ARHGEF15: variants seen among roughly 807,000 people sequenced by gnomAD.
ARHGEF15 encodes the protein Rho guanine nucleotide exchange factor 15.
A neutral mutation model predicts 79.7 loss-of-function variants in ARHGEF15; 58 were observed. The ratio of observed to expected loss-of-function variants is 0.73; its 90% CI spans 0.59 to 0.91. The LOEUF is 0.91. Among genes scored for constraint, ARHGEF15 ranks in the 40% least tolerant of loss-of-function variants. The pLI is 0.00. For missense variants in ARHGEF15, 1,012 were observed against 1,108.1 expected, an observed-to-expected ratio of 0.91 and a Z score of 1.23; for synonymous variants, 442 against 456.0, an observed-to-expected ratio of 0.97 and a Z score of 0.39.
In ARHGEF15 at chr17:8,319,599, T is replaced by C. The variant is rs1010654697; in HGVS notation, c.2370T>C (p.Pro790=). The change falls in exon 15 of 16, where the codon CCT becomes CCC. Residue 790 remains proline (P), a synonymous_variant. Transcript: ENST00000361926. ...RAAPKHLHKT[P]EGWLKGLPGA... ...CCCCCAAACACCTGCACAAGACCCCTGAAGGTGAGAAAGTCTTTCATTTAT... is the reference window on the plus strand; with the variant it reads ...CCCCCAAACACCTGCACAAGACCCCCGAAGGTGAGAAAGTCTTTCATTTAT... 2 of 1,563,740 alleles carry C rather than the reference T, an allele frequency of 1.3e-6. No homozygotes were observed. Among genetic ancestry groups the C allele is most frequent in the Non-Finnish European group, 1.7e-6 (2 of 1,163,606 alleles).
rs761415894 is a variant in ARHGEF15 at position 8,312,656 on chromosome 17, G to C, written c.601+16G>C. On this transcript the variant is annotated intron_variant, in intron 2 of 15. Coordinates refer to ENST00000361926, the MANE Select transcript of ARHGEF15 (RefSeq NM_173728.4). ...GGTGCTCCAGGTGAGTGTGGCGGGT[G>C]GGGGGCGCTGGGTGACCTCAATCCA... 6.2e-7 allele frequency: 1 copy of C among 1,611,386 alleles called. No homozygotes were observed. Among genetic ancestry groups the C allele is most frequent in the South Asian group, 1.1e-5 (1 of 91,024 alleles).
chr17:8,321,719 C>G lies in ARHGEF15; in HGVS notation c.*726C>G, dbSNP rs983123860. 8 of 152,182 alleles carry G rather than the reference C, an allele frequency of 5.3e-5. No individual in the cohort carries two copies. The highest frequency in any genetic ancestry group is 1.9e-4 in the African/African-American group (8 of 41,416). The allele number at this position is 152,182 out of a possible 1,614,324, so 9.4% of individuals were successfully genotyped here. On this transcript the variant is annotated 3_prime_UTR_variant, in exon 16 of 16. Coordinates refer to ENST00000361926, the MANE Select transcript of ARHGEF15 (RefSeq NM_173728.4). ...TTTCTTCCTTTACCCCCCATTTTTC[C>G]TATTATTCGCTCCAAGAAAGATGCT...
rs2151634948 is a variant in ARHGEF15 at position 8,312,245 on chromosome 17, C to G, written c.206C>G (p.Ser69Cys). Residue 69 changes from serine (S) to cysteine (C), a missense_variant, in exon 2 of 16, where the codon TCC (serine) becomes TGC (cysteine). Coordinates refer to ENST00000361926, the MANE Select transcript of ARHGEF15 (RefSeq NM_173728.4). ...ATCTTCTGGGAGCCCCCAGCTGCAT[C>G]CCTCAAGCCCCCTGCTCTTTTGCCC... is the stretch of plus-strand genomic sequence containing the variant. ...TPIFWEPPAA[S>C]LKPPALLPPS... The G allele has an allele frequency of 6.8e-7, 1 of 1,466,198 alleles. No homozygotes were observed. Among genetic ancestry groups the G allele is most frequent in the East Asian group, 2.4e-5 (1 of 42,022 alleles). 90.8% of individuals were successfully genotyped at this position (1,466,198 alleles called of 1,614,324 possible).
rs769235685 is a variant in ARHGEF15 at position 8,315,718 on chromosome 17, T to TGCCCC, written c.1422-31_1422-27dup. ...CAAGAACCCGGGAGACCTGGCTCTC[T>TGCCCC]GCCCCGCCCCATTGCTTGCTTCCCC... On this transcript the variant is annotated intron_variant, in intron 7 of 15. Transcript: ENST00000361926. This position sits in a 1 kb window ranked among gnomAD's most constrained non-coding sequence, Gnocchi z 4.3. The TGCCCC allele has an allele frequency of 6.2e-6, 10 of 1,601,476 alleles. No homozygotes were observed. Among genetic ancestry groups the TGCCCC allele is most frequent in the Non-Finnish European group, 6.8e-6 (8 of 1,173,046 alleles).
chr17:8,318,979 CCTT>C lies in ARHGEF15; in HGVS notation c.2034-25_2034-23del, dbSNP rs1905205683. The C allele has an allele frequency of 6.2e-7, 1 of 1,610,888 alleles. No individual in the cohort carries two copies. Among genetic ancestry groups the C allele is most frequent in the Non-Finnish European group, 8.5e-7 (1 of 1,178,694 alleles). On this transcript the variant is annotated intron_variant, in intron 12 of 15. Transcript: ENST00000361926. The surrounding 1 kb of genome is among the most constrained non-coding windows in gnomAD (Gnocchi z 5.0). Reference sequence around the variant, plus strand: ...AGGGGTCCAGCGGGACCCCTGCTGTCCTTCTGAACGACCTCATCCCTGGGCAGT... The same window carrying C: ...AGGGGTCCAGCGGGACCCCTGCTGTCCTGAACGACCTCATCCCTGGGCAGT...
Position 8,315,279 on chromosome 17 carries a change from T to C in ARHGEF15, c.1260+2T>C. On this transcript the variant is annotated splice_donor_variant, in intron 6 of 15. Transcript: ENST00000361926. LOFTEE classifies it high-confidence loss of function. The surrounding 1 kb of genome is among the most constrained non-coding windows in gnomAD (Gnocchi z 4.3). ...CCCCAGGAGAGGCGCATGCAGGAGG[T>C]GGGAGCTGGAGGTGGGAGATGGGAG... 1 of 1,610,912 alleles carries C rather than the reference T, an allele frequency of 6.2e-7. No individual in the cohort carries two copies. The highest frequency in any genetic ancestry group is 1.1e-5 in the South Asian group (1 of 90,956).
chr17:8,312,414 G>T lies in ARHGEF15; in HGVS notation c.375G>T (p.Gly125=), dbSNP rs757098576. Residue 125 remains glycine, a synonymous_variant, in exon 2 of 16, where the codon GGG becomes GGT. Coordinates refer to ENST00000361926, the MANE Select transcript of ARHGEF15 (RefSeq NM_173728.4). The part of the protein sequence containing the change: ...RSPVPPPKPS[G]SPCTPLLPMA... ...CAGTCCCCCCACCCAAGCCGTCTGG[G>T]TCACCCTGCACGCCTCTGCTCCCCA... The T allele has an allele frequency of 1.5e-5, 25 of 1,613,572 alleles. No homozygotes were observed. The Middle Eastern group carries it at 5.0e-4, about 32-fold the overall frequency.
Position 8,321,778 on chromosome 17 carries a change from T to A in ARHGEF15, c.*785T>A, listed in dbSNP as rs947459014. 6.6e-6 allele frequency: 1 copy of A among 152,198 alleles called. No homozygotes were observed. The highest frequency in any genetic ancestry group is 1.5e-5 in the Non-Finnish European group (1 of 68,048). The allele number at this position is 152,198 out of a possible 1,614,324, so 9.4% of individuals were successfully genotyped here. A position where few individuals can be genotyped will look rare whatever the true frequency, so the allele number is the denominator to read the frequency against. ...GCTCCAGAAGAGACTGTGCTGGGTGTGGCTTGGCACCCAGGGGATGAGAGC... is the reference window on the plus strand; with the variant it reads ...GCTCCAGAAGAGACTGTGCTGGGTGAGGCTTGGCACCCAGGGGATGAGAGC... On this transcript the variant is annotated 3_prime_UTR_variant, in exon 16 of 16. Transcript: ENST00000361926.
intron 3 of ARHGEF15, 82 bp from the exon 4 acceptor site, chr17:8,313,419 A>G (rs2302867): frequency 0.34 from 528,344 of 1,538,178 alleles, 94,912 homozygotes; most frequent in East Asian, 0.68. Flanking sequence ...TATAGTAACC[A>G]TCCCTGCTGG....
At chr17:8,317,364 C>CT (rs1905090323) in intron 9 of ARHGEF15, among the ~76,000 whole-genome samples, 1 of 152,144 alleles carries the variant, frequency 6.6e-6, no homozygotes, top group African/African-American at 2.4e-5. Context: ...CTTCTCAAAG[C>CT]TCTAGCATTA....
In ARHGEF15 at chr17:8,316,148, G is replaced by A; in HGVS notation, c.1704G>A (p.Gln568=). The A allele has an allele frequency of 6.2e-7, 1 of 1,602,200 alleles. No individual in the cohort carries two copies. ...QRITRLRMLL[Q]NILRQTEEGS... The stretch of plus-strand genomic sequence containing the variant: ...TCACCCGGCTGCGCATGCTGCTGCA[G>A]GTACCTGTCCCAGCTGCGGCCGTTT... Residue 568 remains glutamine (Q), a splice_region_variant and synonymous_variant, in exon 9 of 16, where the codon CAG becomes CAA. Coordinates refer to ENST00000361926, the MANE Select transcript of ARHGEF15 (RefSeq NM_173728.4).
At chr17:8,317,914 A>G (rs1162571091) in intron 9 of ARHGEF15, among the ~76,000 whole-genome samples, 1 of 152,014 alleles carries the variant, frequency 6.6e-6, no homozygotes, top group African/African-American at 2.4e-5. Context: ...TAAAAATACA[A>G]AAAAATTAGT....
Position 8,319,534 on chromosome 17 carries a change from C to A in ARHGEF15, c.2305C>A (p.Pro769Thr). 6.2e-7 allele frequency: 1 copy of A among 1,611,424 alleles called. No individual in the cohort carries two copies. Residue 769 changes from proline to threonine, a missense_variant, in exon 15 of 16, where the codon CCT (proline) becomes ACT (threonine). This residue lies in a region of ARHGEF15 where 132 missense variants were observed against 124.2 expected (regional missense o/e 1.06). Transcript: ENST00000361926. ...GGAACTGTGTTCAGAGTCGTCTGCA[C>A]CTGCCAAGACTGAAGGACGGAGTCT... ...SQELCSESSA[P>T]AKTEGRSLES... is the part of the protein sequence containing the mutation.
In ARHGEF15 at chr17:8,318,667, A is replaced by G. The variant is rs879552088; in HGVS notation, c.1872+5A>G. 3 of 1,612,234 alleles carry G rather than the reference A, an allele frequency of 1.9e-6. No homozygotes were observed. The highest frequency in any genetic ancestry group is 3.3e-5 in the Admixed American group (2 of 59,940). On this transcript the variant is annotated splice_donor_5th_base_variant and intron_variant, in intron 11 of 15. Coordinates refer to ENST00000361926, the MANE Select transcript of ARHGEF15 (RefSeq NM_173728.4). The surrounding 1 kb of genome is among the most constrained non-coding windows in gnomAD (Gnocchi z 5.0). ...CTGCGCTTCCACAAAGTCAAGGTAC[A>G]TCGCTGCCCAGGCTCCCCATCTTGC...
Position 8,318,974 on chromosome 17 carries a change from G to GAACGAC in ARHGEF15, c.2034-33_2034-32insAACGAC, listed in dbSNP as rs755718425. 9.3e-6 allele frequency: 15 copies of GAACGAC among 1,610,286 alleles called. No homozygotes were observed. The highest frequency in any genetic ancestry group is 1.7e-5 in the Admixed American group (1 of 59,858). On this transcript the variant is annotated intron_variant, in intron 12 of 15. Coordinates refer to ENST00000361926, the MANE Select transcript of ARHGEF15 (RefSeq NM_173728.4). This position sits in a 1 kb window ranked among gnomAD's most constrained non-coding sequence, Gnocchi z 5.0. ...GCAGGAGGGGTCCAGCGGGACCCCT[G>GAACGAC]CTGTCCTTCTGAACGACCTCATCCC...
At chr17:8,310,678 C>G (rs1016113089) in intron 1 of ARHGEF15, 2 of 152,444 alleles carry the variant, frequency 1.3e-5, no homozygotes, top group African/African-American at 4.8e-5. Context: ...CAGCTTTTCC[C>G]CAGACCCCTT....
Position 8,316,053 on chromosome 17 carries a change from C to G in ARHGEF15, c.1609C>G (p.Arg537Gly). The G allele has an allele frequency of 6.2e-7, 1 of 1,603,560 alleles. No individual in the cohort carries two copies. The highest frequency in any genetic ancestry group is 8.5e-7 in the Non-Finnish European group (1 of 1,179,576). ...CGTGCGCTTCTCCGCCGAGCTGCGC[C>G]GGCTGCAGAGCCTCCCTAAGTGTGA... ...TNVRFSAELR[R>G]LQSLPKCERL... Residue 537 changes from arginine (R) to glycine (G), a missense_variant, in exon 9 of 16, where the codon CGG becomes GGG. This residue lies in a region of ARHGEF15 where 818 missense variants were observed against 882.5 expected (regional missense o/e 0.93). Coordinates refer to ENST00000361926, the MANE Select transcript of ARHGEF15 (RefSeq NM_173728.4).
At position 8,312,819 on chromosome 17, in the gene ARHGEF15, C is replaced by T. The variant is rs1024667739; in HGVS notation, c.602-103C>T. ...TGGAGGAGATCTATAGATGCCTGGACCTTGATATTGCAGTTGCTGGGCAGG... is the reference window on the plus strand; with the variant it reads ...TGGAGGAGATCTATAGATGCCTGGATCTTGATATTGCAGTTGCTGGGCAGG... On this transcript the variant is annotated intron_variant, in intron 2 of 15. Transcript: ENST00000361926. The T allele has an allele frequency of 3.2e-6, 5 of 1,555,704 alleles. No individual in the cohort carries two copies. The African/African-American group carries it at 6.8e-5, about 21-fold the overall frequency.
rs765929597 is a variant in ARHGEF15 at position 8,313,206 on chromosome 17, C to T, written c.886C>T (p.Pro296Ser). The change falls in exon 3 of 16, where the codon CCC (proline) becomes TCC (serine). Residue 296 changes from proline to serine, a missense_variant. Pro to Ser is a moderately conservative substitution (Grantham distance 74). Transcript: ENST00000361926. ...VRQDATIFGD[P>S]PQPDLDLLSE... is the part of the protein sequence containing the mutation. ...GCAGGATGCCACCATTTTCGGGGAC[C>T]CCCCACAGCCAGATCTTGATCTGCT... 5.6e-6 allele frequency: 9 copies of T among 1,607,212 alleles called. No homozygotes were observed. The highest frequency in any genetic ancestry group is 4.0e-5 in the African/African-American group (3 of 74,920).
Sources: gnomAD v4.1 joint callset for allele counts (sites outside exome capture counted in the v4.1 genomes callset) on GRCh38, gnomAD v4.1.1 for gene constraint, gnomAD v4.1.1 regional missense constraint, Gnocchi (gnomAD v3.1) non-coding constraint, MANE v1.5 for transcripts, NCBI Gene and HGNC (gene_info 2026-07-23, HGNC 2026-07-21) for gene names.